DLGAP2: variants seen among roughly 807,000 people sequenced by gnomAD.
DLGAP2 encodes the protein DLG associated protein 2.
DLGAP2 carries 26 observed loss-of-function variants against 100.3 expected under a neutral mutation model. That is an observed-to-expected ratio of 0.26 (90% confidence interval 0.19 to 0.36). The LOEUF is 0.36. Ranked by LOEUF, DLGAP2 falls within the 10% of genes least tolerant of loss-of-function variation. The pLI, the probability that DLGAP2 is intolerant of heterozygous loss-of-function variation, is 1.00. For synonymous variants in DLGAP2, 886 were observed against 630.1 expected (o/e 1.41, Z -6.08); for missense variants, 1,858 against 1,453.2 (o/e 1.28, Z -4.53).
chr8:1,277,191 A>T (rs191261579), intron 3 of DLGAP2, among the ~76,000 whole-genome samples: 1 of 152,154 alleles, frequency 6.6e-6, no homozygotes, highest in Non-Finnish European at 1.5e-5. Context: ...AAGTGTGGCT[A>T]TTTTACTAAT....
At chr8:1,463,563 C>A (rs1798521337) in intron 3 of DLGAP2, among the ~76,000 whole-genome samples, 3 of 152,216 alleles carry the variant, frequency 2.0e-5, no homozygotes, top group African/African-American at 7.2e-5. Context: ...CCGAGCTGGT[C>A]CGGCCTCGCG....
chr8:1,624,722 G>T (rs1364502883), intron 6 of DLGAP2, among the ~76,000 whole-genome samples: 1 of 152,042 alleles, frequency 6.6e-6, no homozygotes, highest in East Asian at 1.9e-4. Flanking sequence ...CCCCACATCT[G>T]CAGCAGAGCT....
At chr8:1,291,445 C>T (rs1485891680) in intron 3 of DLGAP2, among the ~76,000 whole-genome samples, 2 of 152,104 alleles carry the variant, frequency 1.3e-5, no homozygotes, top group African/African-American at 4.8e-5. Flanking sequence ...GAAAATTTTG[C>T]ATGGCGAGGC....
intron 3 of DLGAP2, among the ~76,000 whole-genome samples, chr8:1,426,896 G>A (rs1797252312): frequency 7.0e-6 from 1 of 143,152 alleles, no homozygotes; most frequent in Non-Finnish European, 1.6e-5. Flanking sequence ...ATATGAAAGG[G>A]GAAAAAAATA....
intron 2 of DLGAP2, among the ~76,000 whole-genome samples, chr8:1,249,572 G>C (rs1485039276): frequency 1.3e-5 from 2 of 152,162 alleles, no homozygotes; most frequent in Non-Finnish European, 2.9e-5. Flanking sequence ...TTATACGACT[G>C]AATGGCTGAC....
intron 3 of DLGAP2, among the ~76,000 whole-genome samples, chr8:1,318,312 G>C (rs528714237): frequency 1.3e-5 from 2 of 152,280 alleles, no homozygotes; most frequent in South Asian, 4.1e-4. Context: ...GTCAAAGAAT[G>C]TATAGCTTTA....
intron 2 of DLGAP2, among the ~76,000 whole-genome samples, chr8:1,232,765 C>T (rs74741153): frequency 0.014 from 2,202 of 152,324 alleles, 29 homozygotes; most frequent in South Asian, 0.068. Context: ...TCATTTCTTC[C>T]ACTAACTTTT....
rs1304984686 is a variant in DLGAP2, at chr8:829,952, G to T, written c.19-77960G>T. 4.6e-5 allele frequency among the ~76,000 whole-genome samples: 7 copies of T among 152,232 alleles called. No individual in the cohort carries two copies. The East Asian group carries it at 1.3e-3, about 29-fold the overall frequency. On this transcript the variant is annotated intron_variant, in intron 1 of 14. Transcript: ENST00000637795. ...TGACAACAATGTTCAATTCTCCAGT[G>T]ATATAAATAATGCTTGGATAAATTA...
chr8:761,204 C>A (rs1029285490), intron 1 of DLGAP2, among the ~76,000 whole-genome samples: 6 of 152,152 alleles, frequency 3.9e-5, no homozygotes, highest in Non-Finnish European at 8.8e-5. Context: ...TTACTTTCTC[C>A]TCTGCTCCCT....
At position 764,965 on chromosome 8, in the gene DLGAP2, A is replaced by G. The variant is rs532635002; in HGVS notation, c.18+27140A>G. ...TTCCTCAGCAACCAGAATAGATTCA[A>G]TAAAGCTTGTGGCTGTTACTGATAT... is the stretch of plus-strand genomic sequence containing the variant. On this transcript the variant is annotated intron_variant, in intron 1 of 14. Coordinates refer to ENST00000637795, the MANE Select transcript of DLGAP2 (RefSeq NM_001346810.2). 1.2e-4 allele frequency among the ~76,000 whole-genome samples: 18 copies of G among 152,374 alleles called. No individual in the cohort carries two copies. The East Asian group carries it at 1.9e-3, about 16-fold the overall frequency.
intron 3 of DLGAP2, among the ~76,000 whole-genome samples, chr8:1,463,577 A>G (rs775467372): frequency 1.6e-4 from 24 of 152,224 alleles, no homozygotes; most frequent in Non-Finnish European, 3.4e-4. Context: ...CCTCGCGTTG[A>G]GGGGTCCAGT....
At chr8:760,429 G>T (rs1461662654) in intron 1 of DLGAP2, among the ~76,000 whole-genome samples, 1 of 152,052 alleles carries the variant, frequency 6.6e-6, no homozygotes, top group African/African-American at 2.4e-5. Context: ...CCTTCATTTT[G>T]TTGATGTCCG....
chr8:924,125 T>C lies in DLGAP2; in HGVS notation c.73+16159T>C, dbSNP rs142908154. ...TTGGAGGGAGCTTCATGGAAAGATG[T>C]CTCTGGTTTTCAGTTTCTAGTCCAT... On this transcript the variant is annotated intron_variant, in intron 2 of 14. Transcript: ENST00000637795. 2.6e-5 allele frequency among the ~76,000 whole-genome samples: 4 copies of C among 152,302 alleles called. 1 individual carries two copies. The East Asian group carries it at 7.7e-4, about 29-fold the overall frequency.
chr8:977,804 G>C (rs553183197), intron 2 of DLGAP2, among the ~76,000 whole-genome samples: 186 of 97,424 alleles, frequency 1.9e-3, no homozygotes, highest in African/African-American at 6.4e-3. Context: ...GTGAGGTGCT[G>C]GGTTCTGGTC....
chr8:807,932 G>T (rs1463243306), intron 1 of DLGAP2, among the ~76,000 whole-genome samples: 1 of 152,178 alleles, frequency 6.6e-6, no homozygotes, highest in Non-Finnish European at 1.5e-5. Context: ...GCTAAGAACC[G>T]GGTCTTGTGA....
intron 1 of DLGAP2, among the ~76,000 whole-genome samples, chr8:873,631 CT>C (rs1201783915): frequency 6.6e-6 from 1 of 151,894 alleles, no homozygotes; most frequent in Non-Finnish European, 1.5e-5. Context: ...CATCTTTAGC[CT>C]TTTTTTCTTA....
chr8:998,861 G>A (rs1800861597), intron 2 of DLGAP2, among the ~76,000 whole-genome samples: 2 of 152,164 alleles, frequency 1.3e-5, no homozygotes, highest in Admixed American at 6.5e-5. Context: ...ACTGGAATGT[G>A]TTGTGGCATC....
At chr8:1,571,938 G>A (rs1228616746) in intron 6 of DLGAP2, among the ~76,000 whole-genome samples, 4 of 139,434 alleles carry the variant, frequency 2.9e-5, no homozygotes, top group South Asian at 2.5e-4. Flanking sequence ...CGTCTGCTGG[G>A]ATGGAGAGGA....
intron 2 of DLGAP2, among the ~76,000 whole-genome samples, chr8:1,237,294 T>C (rs1433396916): frequency 7.5e-6 from 1 of 133,246 alleles, no homozygotes; most frequent in Non-Finnish European, 1.6e-5. Context: ...TAGCGTCATG[T>C]CTAGTTCTGT....
Sources: gnomAD v4.1 joint callset for allele counts (sites outside exome capture counted in the v4.1 genomes callset) on GRCh38, gnomAD v4.1.1 for gene constraint, MANE v1.5 for transcripts, NCBI Gene and HGNC (gene_info 2026-07-23, HGNC 2026-07-21) for gene names.